NCOR2: variants seen among roughly 807,000 people sequenced by gnomAD.
NCOR2 encodes the protein CTG repeat protein 26.
Under a neutral mutation model 262.9 loss-of-function variants are expected in NCOR2, and 81 were observed. That is an observed-to-expected ratio of 0.31 (90% CI 0.26 to 0.37). The LOEUF (loss-of-function observed/expected upper bound fraction) is 0.37. Ranked by LOEUF, NCOR2 falls within the 10% of genes least tolerant of loss-of-function variation. The pLI, the probability that NCOR2 is intolerant of heterozygous loss-of-function variation, is 1.00. For synonymous variants in NCOR2, 1,659 were observed against 1,559.3 expected (o/e 1.06, Z -1.51); for missense variants, 3,385 against 3,621.4 (o/e 0.93, Z 1.68).
chr12:124,378,524 C>A lies in NCOR2; in HGVS notation c.2020-140G>T, dbSNP rs118148371. 4 of 838,058 alleles carry A rather than the reference C, an allele frequency of 4.8e-6. No homozygotes were observed. The African/African-American group carries it at 6.9e-5, about 14-fold the overall frequency. 51.9% of individuals were successfully genotyped at this position (838,058 alleles called of 1,614,324 possible). On this transcript the variant is annotated intron_variant, in intron 17 of 46. Coordinates refer to ENST00000405201, the Ensembl canonical transcript of NCOR2. This position sits in a 1 kb window ranked among gnomAD's most constrained non-coding sequence, Gnocchi z 4.2. Reference sequence around the variant, plus strand: ...AATGAGGGTGACCGTCCCCCTCACACCCCACCTCGGCAGCCAAGCGTGCCA... The same window carrying A: ...AATGAGGGTGACCGTCCCCCTCACAACCCACCTCGGCAGCCAAGCGTGCCA...
chr12:124,331,081 G>C, intron 43 of NCOR2, among the ~76,000 whole-genome samples, 183 bp from the exon 46 acceptor site: 1 of 100,450 alleles, frequency 1.0e-5, no homozygotes, highest in Admixed American at 1.1e-4. Flanking sequence ...TTTTTTTTTT[G>C]AGATAGAGTC....
At chr12:124,540,249 C>T (rs995712950), upstream of NCOR2, among the ~76,000 whole-genome samples, 5 of 150,102 alleles carry the variant, frequency 3.3e-5, no homozygotes, top group African/African-American at 7.4e-5. Context: ...GGGAGGGCCC[C>T]CTGCAGGAGG....
At chr12:124,390,015 C>A (rs2041175499) in intron 16 of NCOR2, among the ~76,000 whole-genome samples, 1 of 152,170 alleles carries the variant, frequency 6.6e-6, no homozygotes, top group Non-Finnish European at 1.5e-5. Context: ...CATCCTGCCC[C>A]CTAAAAATCT....
chr12:124,415,568 G>A (rs1192000998), intron 13 of NCOR2, among the ~76,000 whole-genome samples: 1 of 152,244 alleles, frequency 6.6e-6, no homozygotes, highest in Non-Finnish European at 1.5e-5. Flanking sequence ...CAGCTGATCC[G>A]AGGAAGGGGC....
chr12:124,493,145 A>C (rs2136888773), intron 1 of NCOR2, among the ~76,000 whole-genome samples: 1 of 152,328 alleles, frequency 6.6e-6, no homozygotes. Flanking sequence ...GGAGGTGTCT[A>C]GGGTCAGCCA....
intron 1 of NCOR2, among the ~76,000 whole-genome samples, chr12:124,527,317 G>T (rs1349155504): frequency 6.6e-6 from 1 of 152,230 alleles, no homozygotes; most frequent in Non-Finnish European, 1.5e-5. Flanking sequence ...GTGACCTCGG[G>T]CAAGATGCGG....
intron 18 of NCOR2, among the ~76,000 whole-genome samples, chr12:124,375,908 C>A (rs2039956706): frequency 6.6e-6 from 1 of 152,202 alleles, no homozygotes; most frequent in South Asian, 2.1e-4. Flanking sequence ...GCCGCTGGGG[C>A]TGGCTGGGTC....
chr12:124,457,002 G>T lies in NCOR2; in HGVS notation c.762+104C>A. 2.0e-6 allele frequency: 2 copies of T among 985,772 alleles called. No homozygotes were observed. The highest frequency in any genetic ancestry group is 2.0e-5 in the South Asian group (1 of 50,568). 61.1% of individuals were successfully genotyped at this position (985,772 alleles called of 1,614,324 possible). On this transcript the variant is annotated intron_variant, in intron 6 of 46. Transcript: ENST00000405201. The surrounding 1 kb of genome is among the most constrained non-coding windows in gnomAD (Gnocchi z 4.0). The stretch of plus-strand genomic sequence containing the variant: ...CGCGGACGCCGCCTGGGCAGCGCTT[G>T]GTAATAGATGACTTCCTCCTCCGCC...
At chr12:124,473,172 A>AC in intron 3 of NCOR2, 41 bp from the exon 6 acceptor site, 2 of 1,608,398 alleles carry the variant, frequency 1.2e-6, no homozygotes, top group Non-Finnish European at 1.7e-6. Context: ...AGCACAGGGG[A>AC]CACCCCCCAG....
chr12:124,475,793 G>A (rs887123541), intron 3 of NCOR2, among the ~76,000 whole-genome samples: 3 of 152,220 alleles, frequency 2.0e-5, no homozygotes, highest in Non-Finnish European at 4.4e-5. Context: ...GAAGGTGCTT[G>A]AAGGGGGAGG....
chr12:124,339,515 C>T (rs1253424932), intron 37 of NCOR2, among the ~76,000 whole-genome samples: 2 of 150,432 alleles, frequency 1.3e-5, no homozygotes, highest in East Asian at 2.0e-4. Context: ...GCTATCTATC[C>T]TCTCACCCAC....
chr12:124,557,303 G>A (rs2051914345), intron 1 of NCOR2, among the ~76,000 whole-genome samples: 1 of 152,230 alleles, frequency 6.6e-6, no homozygotes, highest in African/African-American at 2.4e-5. Flanking sequence ...CACAGTTCGG[G>A]AGGCCAGAGG....
At chr12:124,339,191 T>C (rs1392250947) in intron 37 of NCOR2, among the ~76,000 whole-genome samples, 23 of 107,730 alleles carry the variant, frequency 2.1e-4, no homozygotes, top group East Asian at 1.6e-3. Flanking sequence ...TACCCACCCA[T>C]CTACCTACCT....
chr12:124,501,841 C>A (rs1008588159), intron 1 of NCOR2, among the ~76,000 whole-genome samples: 1 of 152,206 alleles, frequency 6.6e-6, no homozygotes, highest in Non-Finnish European at 1.5e-5. Context: ...ACTGCTGTAT[C>A]CCCAGAGCCC....
exon 15 of NCOR2, chr12:124,400,559 T>C (rs768855178): frequency 1.2e-6 from 2 of 1,614,088 alleles, no homozygotes; most frequent in Admixed American, 3.3e-5. Context: ...CATTAGCCAT[T>C]GAGCGGGTGA....
At chr12:124,556,069 A>G (rs1442372087) in intron 1 of NCOR2, 1 of 152,296 alleles carries the variant, frequency 6.6e-6, no homozygotes, top group African/African-American at 2.4e-5. Context: ...TGAATTAGGC[A>G]AAACGTGGTT....
intron 1 of NCOR2, among the ~76,000 whole-genome samples, chr12:124,489,727 C>T (rs1293372652): frequency 6.6e-6 from 1 of 152,176 alleles, no homozygotes; most frequent in East Asian, 1.9e-4. Flanking sequence ...GGTGAGAGGC[C>T]ACCAGAAAAA....
intron 20 of NCOR2, among the ~76,000 whole-genome samples, chr12:124,371,516 C>T (rs59965002): frequency 1.2e-3 from 179 of 152,318 alleles, no homozygotes; most frequent in East Asian, 4.6e-3. Context: ...ATGCACAGGG[C>T]GAAGGTCATG....
chr12:124,325,314 G>C (rs56763810), exon 47 of NCOR2: 4 of 897,348 alleles, frequency 4.5e-6, no homozygotes, highest in Non-Finnish European at 4.6e-6. Context: ...TCCTTGGTTG[G>C]GGGAGTCGGC....
Sources: gnomAD v4.1 joint callset for allele counts (sites outside exome capture counted in the v4.1 genomes callset) on GRCh38, gnomAD v4.1.1 for gene constraint, Gnocchi (gnomAD v3.1) non-coding constraint, MANE v1.5 for transcripts, NCBI Gene and HGNC (gene_info 2026-07-23, HGNC 2026-07-21) for gene names.